ATP11A: variants seen among roughly 807,000 people sequenced by gnomAD.
ATP11A encodes phospholipid-transporting ATPase IH.
Under a neutral mutation model 154.4 loss-of-function variants are expected in ATP11A, and 81 were observed. The observed-to-expected ratio is 0.52, with a 90% CI of 0.44 to 0.63. ATP11A has a LOEUF of 0.63. ATP11A is among the 30% of genes least tolerant of loss of function. The probability of loss-of-function intolerance (pLI) is 0.00; values close to 1 mark genes in which losing one functional copy is unlikely to be tolerated. For missense variants in ATP11A, 1,316 were observed against 1,474.3 expected, an observed-to-expected ratio of 0.89 and a Z score of 1.76; for synonymous variants, 623 against 585.9, an observed-to-expected ratio of 1.06 and a Z score of -0.91.
In ATP11A at chr13:112,882,894, G is replaced by A. The variant is rs894709899; in HGVS notation, c.*1028G>A. 22 of 398,718 alleles carry A rather than the reference G, an allele frequency of 5.5e-5. No individual in the cohort carries two copies. Among genetic ancestry groups the A allele is most frequent in the Non-Finnish European group, 7.5e-5 (17 of 226,302 alleles). The allele number at this position is 398,718 out of a possible 1,614,324, so 24.7% of individuals were successfully genotyped here. A position where few individuals can be genotyped will look rare whatever the true frequency, so the allele number is the denominator to read the frequency against. ...GTGTTCGTGCACCAGAACCTGTCTC[G>A]GGCTGACGGGGGTGGCACACAGGAC... On this transcript the variant is annotated 3_prime_UTR_variant, in exon 30 of 30. Transcript: ENST00000375645. The surrounding 1 kb of genome is among the most constrained non-coding windows in gnomAD (Gnocchi z 5.1).
At position 112,880,886 on chromosome 13, in the gene ATP11A, G is replaced by A. The variant is rs7324828; in HGVS notation, c.*10-990G>A. Reference sequence around the variant, plus strand: ...GTGTGCACACTCACCCCACACGCACGGCACACAGCCTGACCAGACCCAGCA... The same window carrying A: ...GTGTGCACACTCACCCCACACGCACAGCACACAGCCTGACCAGACCCAGCA... On this transcript the variant is annotated intron_variant, in intron 29 of 29. Coordinates refer to ENST00000375645, the MANE Select transcript of ATP11A (RefSeq NM_015205.3). 1,136 of 1,020,504 alleles carry A rather than the reference G, an allele frequency of 1.1e-3. 13 individuals carry two copies. In the African/African-American group the frequency reaches 0.018, roughly 16 times the overall value. 63.2% of individuals were successfully genotyped at this position (1,020,504 alleles called of 1,614,324 possible).
At chr13:112,692,329 T>C (rs1191395911) in intron 1 of ATP11A, among the ~76,000 whole-genome samples, 1 of 152,176 alleles carries the variant, frequency 6.6e-6, no homozygotes, top group African/African-American at 2.4e-5. Flanking sequence ...GCAGCCTCTT[T>C]CCATAGAAAT....
chr13:112,885,490 T>G lies in ATP11A; in HGVS notation c.*3624T>G, dbSNP rs2080962872. 1 of 151,772 alleles carries G rather than the reference T, an allele frequency of 6.6e-6. No homozygotes were observed. The highest frequency in any genetic ancestry group is 6.6e-5 in the Admixed American group (1 of 15,236). 9.4% of individuals were successfully genotyped at this position (151,772 alleles called of 1,614,324 possible). A position where few individuals can be genotyped will look rare whatever the true frequency, so the allele number is the denominator to read the frequency against. On this transcript the variant is annotated 3_prime_UTR_variant, in exon 30 of 30. Coordinates refer to ENST00000375645, the MANE Select transcript of ATP11A (RefSeq NM_015205.3). The stretch of plus-strand genomic sequence containing the variant: ...GTGAGCTCCCACACGTACACACAGA[T>G]GCACATGGACACACCCCAAACACGC...
Position 112,882,447 on chromosome 13 carries a change from A to G in ATP11A, c.*581A>G, listed in dbSNP as rs1401948810. 5 of 446,270 alleles carry G rather than the reference A, an allele frequency of 1.1e-5. No homozygotes were observed. Among genetic ancestry groups the G allele is most frequent in the Admixed American group, 3.9e-5 (1 of 25,720 alleles). 27.6% of individuals were successfully genotyped at this position (446,270 alleles called of 1,614,324 possible). ...GCCCTCCATAGGGTGAGGTGGAGCC[A>G]TGGTGGTGCGTCCTTTACTCAACAA... On this transcript the variant is annotated 3_prime_UTR_variant, in exon 30 of 30. Coordinates refer to ENST00000375645, the MANE Select transcript of ATP11A (RefSeq NM_015205.3). The surrounding 1 kb of genome is among the most constrained non-coding windows in gnomAD (Gnocchi z 5.1).
intron 1 of ATP11A, among the ~76,000 whole-genome samples, chr13:112,729,520 C>T (rs1247677547): frequency 3.3e-5 from 5 of 152,102 alleles, no homozygotes; most frequent in South Asian, 4.1e-4. Flanking sequence ...ACTGAGGCAG[C>T]GCAGTCCCCA....
chr13:112,864,557 GCGGCC>G (rs1371604374), intron 25 of ATP11A, among the ~76,000 whole-genome samples: 2 of 70,812 alleles, frequency 2.8e-5, no homozygotes, highest in African/African-American at 6.5e-5. Flanking sequence ...GTAATTCAGT[GCGGCC>G]CATGCAGCTT....
In ATP11A at chr13:112,883,229, G is replaced by C; in HGVS notation, c.*1363G>C. ...CTTAGGATCTGTCCAGCGCTGCTCT[G>C]GGTGGGTTAGCAACCCCAGGGCTGC... is the stretch of plus-strand genomic sequence containing the variant. On this transcript the variant is annotated 3_prime_UTR_variant, in exon 30 of 30. Coordinates refer to ENST00000375645, the MANE Select transcript of ATP11A (RefSeq NM_015205.3). The C allele has an allele frequency of 2.5e-6, 1 of 398,688 alleles. No homozygotes were observed. The highest frequency in any genetic ancestry group is 4.4e-6 in the Non-Finnish European group (1 of 226,126). The allele number at this position is 398,688 out of a possible 1,614,324, so 24.7% of individuals were successfully genotyped here. A position where few individuals can be genotyped will look rare whatever the true frequency, so the allele number is the denominator to read the frequency against.
intron 1 of ATP11A, among the ~76,000 whole-genome samples, chr13:112,747,962 C>G (rs772451375): frequency 1.3e-5 from 2 of 152,116 alleles, no homozygotes; most frequent in Non-Finnish European, 2.9e-5. Flanking sequence ...CCAAAATGCC[C>G]AAAAATCTGA....
intron 1 of ATP11A, among the ~76,000 whole-genome samples, chr13:112,734,913 A>G (rs1409275137): frequency 6.6e-6 from 1 of 152,258 alleles, no homozygotes; most frequent in East Asian, 1.9e-4. Flanking sequence ...ATGAATACCG[A>G]CTGGTGAGGG....
intron 1 of ATP11A, among the ~76,000 whole-genome samples, chr13:112,725,536 C>T (rs901363362): frequency 3.3e-5 from 5 of 152,220 alleles, no homozygotes; most frequent in Non-Finnish European, 5.9e-5. Flanking sequence ...CCTAGGTGCC[C>T]AGGAGTGACT....
chr13:112,882,349 G>A lies in ATP11A; in HGVS notation c.*483G>A, dbSNP rs542839325. 1.6e-5 allele frequency: 6 copies of A among 370,218 alleles called. No homozygotes were observed. Among genetic ancestry groups the A allele is most frequent in the Admixed American group, 4.0e-5 (1 of 25,084 alleles). The allele number at this position is 370,218 out of a possible 1,614,324, so 22.9% of individuals were successfully genotyped here. ...TTGCTGTCACTGGGAGAGAAGAGCCGTCCAGGGACCCATGGTGGCCCACAT... is the reference window on the plus strand; with the variant it reads ...TTGCTGTCACTGGGAGAGAAGAGCCATCCAGGGACCCATGGTGGCCCACAT... On this transcript the variant is annotated 3_prime_UTR_variant, in exon 30 of 30. Transcript: ENST00000375645. The surrounding 1 kb of genome is among the most constrained non-coding windows in gnomAD (Gnocchi z 5.1).
chr13:112,752,815 G>C (rs1384934405), intron 1 of ATP11A, among the ~76,000 whole-genome samples: 1 of 152,220 alleles, frequency 6.6e-6, no homozygotes, highest in Non-Finnish European at 1.5e-5. Flanking sequence ...AGAGAATGTA[G>C]TTGTCAGTGT....
chr13:112,758,081 G>A (rs534336521), intron 1 of ATP11A, among the ~76,000 whole-genome samples: 3 of 152,374 alleles, frequency 2.0e-5, no homozygotes, highest in Non-Finnish European at 4.4e-5. Context: ...TGTTGTTTTT[G>A]AGACAGAGTC....
At position 112,785,199 on chromosome 13, in the gene ATP11A, C is replaced by G; in HGVS notation, c.104C>G (p.Pro35Arg). The G allele has an allele frequency of 6.3e-7, 1 of 1,578,494 alleles. No homozygotes were observed. The highest frequency in any genetic ancestry group is 8.6e-7 in the Non-Finnish European group (1 of 1,162,870). The change falls in exon 2 of 30, where the codon CCG (proline) becomes CGG (arginine). Residue 35 changes from proline to arginine, a missense_variant. By Grantham distance (103) the Pro-to-Arg change is moderately radical. Transcript: ENST00000375645. The surrounding 1 kb of genome is among the most constrained non-coding windows in gnomAD (Gnocchi z 4.8). ...TIYVGHREPPPGAEAYIPQRY... is the reference protein window; with the variant it reads ...TIYVGHREPPRGAEAYIPQRY... ...TACGTGGGACACAGGGAGCCACCTC[C>G]GGGCGCAGAGGCCTACATCCCACAG...
At chr13:112,843,207 C>T (rs1462038292) in intron 17 of ATP11A, among the ~76,000 whole-genome samples, 1 of 152,182 alleles carries the variant, frequency 6.6e-6, no homozygotes, top group East Asian at 1.9e-4. Context: ...GTGAGATGCC[C>T]TAAAGCTACA....
intron 12 of ATP11A, among the ~76,000 whole-genome samples, chr13:112,830,946 T>G (rs1172802991): frequency 6.6e-6 from 1 of 152,130 alleles, no homozygotes; most frequent in African/African-American, 2.4e-5. Flanking sequence ...CTGTATAGAG[T>G]AAGTTCGTCC....
chr13:112,860,274 T>C lies in ATP11A; in HGVS notation c.2728-13T>C, dbSNP rs1265860217. The C allele has an allele frequency of 1.9e-6, 3 of 1,608,698 alleles. No homozygotes were observed. The highest frequency in any genetic ancestry group is 8.5e-7 in the Non-Finnish European group (1 of 1,176,568). On this transcript the variant is annotated splice_polypyrimidine_tract_variant and intron_variant, in intron 23 of 29. Coordinates refer to ENST00000375645, the MANE Select transcript of ATP11A (RefSeq NM_015205.3). ...GCACTGAGGTGCCACTTCTTGTGACTTTCCTCTTACAGACTTTGTACGACA... is the reference window on the plus strand; with the variant it reads ...GCACTGAGGTGCCACTTCTTGTGACCTTCCTCTTACAGACTTTGTACGACA...
intron 22 of ATP11A, 63 bp downstream of exon 22, chr13:112,858,353 C>T (rs2079996385): frequency 2.0e-6 from 3 of 1,525,064 alleles, no homozygotes. Context: ...GTGGCACGAC[C>T]CTTGTCTGAG....
At chr13:112,699,285 TTAAG>T (rs1428087968) in intron 1 of ATP11A, among the ~76,000 whole-genome samples, 2 of 152,222 alleles carry the variant, frequency 1.3e-5, no homozygotes, top group Non-Finnish European at 2.9e-5. Context: ...CTGAATGTGT[TTAAG>T]TAACCACCCT....
Sources: allele counts gnomAD v4.1 joint callset (sites outside exome capture counted in the v4.1 genomes callset), GRCh38; gene constraint gnomAD v4.1.1; non-coding constraint Gnocchi (gnomAD v3.1); transcripts MANE v1.5; gene names NCBI Gene and HGNC (gene_info 2026-07-23, HGNC 2026-07-21).